Variants in MAPK10 observed in about 807,000 individuals in gnomAD.
MAPK10 encodes the protein JNK3 alpha protein kinase.
A neutral mutation model predicts 59.3 loss-of-function variants in MAPK10; 25 were observed. That is an observed-to-expected ratio of 0.42 (90% CI 0.31 to 0.59). MAPK10 has a LOEUF of 0.59. Ranked by LOEUF, MAPK10 falls within the 20% of genes least tolerant of loss-of-function variation. The pLI is 0.15. For synonymous variants in MAPK10, 190 were observed against 200.5 expected (o/e 0.95, Z 0.44); for missense variants, 351 against 568.9 (o/e 0.62, Z 3.90).
At position 86,017,117 on chromosome 4, in the gene MAPK10, G is replaced by A. The variant is rs1743619388; in HGVS notation, c.*111C>T. ...TTAGGCTTGGATTCTCTCCCTTGCTGTTTTCTTGATGTTGTGTGTCTGCAT... is the reference window on the plus strand; with the variant it reads ...TTAGGCTTGGATTCTCTCCCTTGCTATTTTCTTGATGTTGTGTGTCTGCAT... On this transcript the variant is annotated 3_prime_UTR_variant, in exon 14 of 14. Coordinates refer to ENST00000641462, the MANE Select transcript of MAPK10 (RefSeq NM_138982.4). The surrounding 1 kb of genome is among the most constrained non-coding windows in gnomAD (Gnocchi z 4.4). The A allele has an allele frequency of 3.3e-6, 4 of 1,222,664 alleles. No homozygotes were observed. The South Asian group carries it at 4.4e-5, about 13-fold the overall frequency. The allele number at this position is 1,222,664 out of a possible 1,614,324, so 75.7% of individuals were successfully genotyped here.
intron 2 of MAPK10, among the ~76,000 whole-genome samples, chr4:86,259,840 C>T (rs1391938323): frequency 6.6e-6 from 1 of 152,010 alleles, no homozygotes; most frequent in Non-Finnish European, 1.5e-5. Flanking sequence ...AGAGATAAAC[C>T]ATACATTTAT....
intron 2 of MAPK10, among the ~76,000 whole-genome samples, chr4:86,237,735 C>T (rs1369940878): frequency 6.6e-6 from 1 of 151,992 alleles, no homozygotes; most frequent in Non-Finnish European, 1.5e-5. Context: ...CTTGTAAAAC[C>T]TGGATATTAG....
intron 9 of MAPK10, among the ~76,000 whole-genome samples, chr4:86,078,399 A>G (rs113513036): frequency 4.6e-5 from 7 of 152,172 alleles, no homozygotes; most frequent in Non-Finnish European, 1.0e-4. Context: ...GGGAAATTAC[A>G]GTAAGTGGCA....
At chr4:86,549,592 G>A (rs1328504822) in intron 1 of MAPK10, among the ~76,000 whole-genome samples, 1 of 152,184 alleles carries the variant, frequency 6.6e-6, no homozygotes, top group Admixed American at 6.5e-5. Context: ...TAAATGTGAA[G>A]GCTTAGGGCA....
chr4:86,307,885 T>A (rs910406592), intron 2 of MAPK10, among the ~76,000 whole-genome samples: 6 of 152,096 alleles, frequency 3.9e-5, no homozygotes, highest in Non-Finnish European at 5.9e-5. Flanking sequence ...AAAACAGAGG[T>A]AGGACACCAG....
At chr4:86,548,978 C>T (rs1578082880) in intron 1 of MAPK10, among the ~76,000 whole-genome samples, 1 of 152,202 alleles carries the variant, frequency 6.6e-6, no homozygotes, top group East Asian at 1.9e-4. Flanking sequence ...GATTCCCATT[C>T]TAGAGCAAAA....
At chr4:86,034,700 A>G (rs2039825845) in intron 11 of MAPK10, among the ~76,000 whole-genome samples, 1 of 152,314 alleles carries the variant, frequency 6.6e-6, no homozygotes, top group African/African-American at 2.4e-5. Context: ...TAAATGATAG[A>G]AACCTGTATA....
chr4:86,086,006 G>T (rs1171292191), intron 9 of MAPK10, among the ~76,000 whole-genome samples: 1 of 152,106 alleles, frequency 6.6e-6, no homozygotes, highest in Non-Finnish European at 1.5e-5. Flanking sequence ...ATACACACTG[G>T]GGCCTGTCAG....
At chr4:86,465,082 G>A (rs1440311661) in intron 1 of MAPK10, among the ~76,000 whole-genome samples, 1 of 152,220 alleles carries the variant, frequency 6.6e-6, no homozygotes, top group Non-Finnish European at 1.5e-5. Flanking sequence ...TTTACAGGAG[G>A]AGTTAATCCT....
intron 2 of MAPK10, among the ~76,000 whole-genome samples, chr4:86,304,207 A>C (rs1428757078): frequency 6.6e-6 from 1 of 152,170 alleles, no homozygotes; most frequent in Non-Finnish European, 1.5e-5. Context: ...TTTGGGGCCA[A>C]ATTGTGAAAG....
chr4:86,367,153 T>C (rs1235203240), intron 1 of MAPK10, among the ~76,000 whole-genome samples: 1 of 152,142 alleles, frequency 6.6e-6, no homozygotes, highest in East Asian at 1.9e-4. Context: ...GATTATTATG[T>C]CATGAATTAG....
chr4:86,454,456 T>A (rs898794889), upstream of MAPK10, among the ~76,000 whole-genome samples: 2 of 152,010 alleles, frequency 1.3e-5, no homozygotes, highest in African/African-American at 4.8e-5. Flanking sequence ...GACACACTTA[T>A]AGAAATGCAA....
chr4:86,569,818 G>T (rs1213893758), intron 1 of MAPK10, among the ~76,000 whole-genome samples: 1 of 152,026 alleles, frequency 6.6e-6, no homozygotes, highest in Non-Finnish European at 1.5e-5. Flanking sequence ...GGGTGAGAGA[G>T]GGGGTGAGGA....
At chr4:86,185,672 GGTGGTA>G (rs1482903794) in intron 3 of MAPK10, among the ~76,000 whole-genome samples, 1 of 152,098 alleles carries the variant, frequency 6.6e-6, no homozygotes. Flanking sequence ...TATCTTTCAG[GGTGGTA>G]GTGGAGAAAT....
chr4:86,123,794 C>A, intron 4 of MAPK10: 1 of 152,020 alleles, frequency 6.6e-6, no homozygotes, highest in East Asian at 1.9e-4. Flanking sequence ...AGAAAGCATG[C>A]TGTTCATTCT....
At chr4:86,291,678 TA>T (rs1248209224) in intron 2 of MAPK10, among the ~76,000 whole-genome samples, 1 of 152,230 alleles carries the variant, frequency 6.6e-6, no homozygotes, top group Non-Finnish European at 1.5e-5. Flanking sequence ...AATTCATTTC[TA>T]AGCACTGTCA....
At chr4:86,184,832 A>G (rs71603485) in intron 3 of MAPK10, among the ~76,000 whole-genome samples, 2 of 151,918 alleles carry the variant, frequency 1.3e-5, no homozygotes, top group East Asian at 3.9e-4. Context: ...AGCCAGTTAA[A>G]CCTCTTTTCT....
intron 9 of MAPK10, chr4:86,091,064 T>C (rs148834695): frequency 2.6e-5 from 4 of 152,178 alleles, no homozygotes; most frequent in African/African-American, 7.2e-5. Flanking sequence ...ATAAGCTGTA[T>C]TTATTATGTA....
At chr4:86,315,014 T>G (rs547824159) in intron 2 of MAPK10, among the ~76,000 whole-genome samples, 1 of 152,318 alleles carries the variant, frequency 6.6e-6, no homozygotes, top group Admixed American at 6.5e-5. Context: ...TAAAAAATTC[T>G]AATGCTTATA....
Sources: gnomAD v4.1 joint callset for allele counts (sites outside exome capture counted in the v4.1 genomes callset) on GRCh38, gnomAD v4.1.1 for gene constraint, Gnocchi (gnomAD v3.1) non-coding constraint, MANE v1.5 for transcripts, NCBI Gene and HGNC (gene_info 2026-07-23, HGNC 2026-07-21) for gene names.